Variants in AK5 observed in about 807,000 individuals in gnomAD.
AK5 encodes the protein adenylate kinase 5.
Under a neutral mutation model 69.5 loss-of-function variants are expected in AK5, and 27 were observed. The ratio of observed to expected loss-of-function variants is 0.39; its 90% CI spans 0.29 to 0.54. The LOEUF is 0.54. AK5 is among the 20% of genes least tolerant of loss of function. AK5 has a pLI of 0.71. For synonymous variants in AK5, 260 were observed against 244.4 expected (o/e 1.06, Z -0.60); for missense variants, 531 against 700.4 (o/e 0.76, Z 2.73).
At chr1:77,434,486 C>A in intron 8 of AK5, among the ~76,000 whole-genome samples, 1 of 152,210 alleles carries the variant, frequency 6.6e-6, no homozygotes, top group Non-Finnish European at 1.5e-5. Flanking sequence ...TAGAACTTGA[C>A]CCTAGGGAAA....
At chr1:77,518,932 C>T (rs1165748558) in intron 11 of AK5, among the ~76,000 whole-genome samples, 2 of 152,180 alleles carry the variant, frequency 1.3e-5, no homozygotes, top group Non-Finnish European at 2.9e-5. Flanking sequence ...GGCCCAGGCT[C>T]CTTCCATCTT....
At chr1:77,395,973 G>A (rs1648803930) in intron 6 of AK5, among the ~76,000 whole-genome samples, 2 of 152,088 alleles carry the variant, frequency 1.3e-5, no homozygotes, top group South Asian at 4.1e-4. Context: ...ATCAACATTA[G>A]GCTATACATG....
intron 8 of AK5, among the ~76,000 whole-genome samples, chr1:77,442,870 C>A (rs1435286815): frequency 6.6e-6 from 1 of 152,098 alleles, no homozygotes; most frequent in East Asian, 1.9e-4. Context: ...CTCCCAGAAG[C>A]ATTTTTTGTG....
At position 77,391,406 on chromosome 1, in the gene AK5, C is replaced by T. The variant is rs867633619; in HGVS notation, c.892-19575C>T. Among the ~76,000 whole-genome samples the T allele has an allele frequency of 3.9e-3, 535 of 136,286 alleles. 4 individuals are homozygous for T. The highest frequency in any genetic ancestry group is 0.014 in the African/African-American group (501 of 34,642). The allele number at this position is 136,286 out of a possible 152,430, so 89.4% of individuals were successfully genotyped here. On this transcript the variant is annotated intron_variant, in intron 6 of 13. Transcript: ENST00000354567. ...AAAAAAAAAAATATATATATATATA[C>T]ACACACATATATATGTATATATATA...
chr1:77,283,298 A>G (rs762869340), intron 1 of AK5: 4 of 984,986 alleles, frequency 4.1e-6, no homozygotes, highest in Non-Finnish European at 4.8e-6. Flanking sequence ...AGTAGGGGGG[A>G]GGAGGAGAAA....
At chr1:77,509,729 T>G (rs1657235256) in intron 10 of AK5, among the ~76,000 whole-genome samples, 1 of 152,226 alleles carries the variant, frequency 6.6e-6, no homozygotes, top group Non-Finnish European at 1.5e-5. Context: ...GGGAAGGCTA[T>G]GCACCTTTAA....
chr1:77,460,627 A>G (rs1480866480), intron 8 of AK5, among the ~76,000 whole-genome samples: 1 of 152,226 alleles, frequency 6.6e-6, no homozygotes, highest in Non-Finnish European at 1.5e-5. Flanking sequence ...AAATCCTGCT[A>G]TTTGCAACAA....
intron 2 of AK5, among the ~76,000 whole-genome samples, chr1:77,292,401 A>T (rs574567698): frequency 1.3e-5 from 2 of 152,182 alleles, no homozygotes; most frequent in Non-Finnish European, 2.9e-5. Flanking sequence ...TATTGTATCA[A>T]CAGAGAATGG....
intron 8 of AK5, among the ~76,000 whole-genome samples, chr1:77,448,223 C>T (rs1186470955): frequency 1.3e-5 from 2 of 152,196 alleles, no homozygotes; most frequent in African/African-American, 4.8e-5. Context: ...GCCAGGCTGC[C>T]AGTTCACAGA....
At chr1:77,302,245 T>G (rs1486886519) in intron 5 of AK5, among the ~76,000 whole-genome samples, 1 of 152,122 alleles carries the variant, frequency 6.6e-6, no homozygotes, top group Non-Finnish European at 1.5e-5. Flanking sequence ...TTGGCTAGAA[T>G]TATGTTTATT....
At position 77,375,193 on chromosome 1, in the gene AK5, A is replaced by G. The variant is rs562467853; in HGVS notation, c.891+34625A>G. Among the ~76,000 whole-genome samples, 5 of 152,358 alleles carry G rather than the reference A, an allele frequency of 3.3e-5. No homozygotes were observed. In the South Asian group the frequency reaches 1.0e-3, roughly 32 times the overall value. ...AAGAGTGTTTTAATTGAGTCAAGCC[A>G]GGTCAGACCTTACGCTCATGATACT... On this transcript the variant is annotated intron_variant, in intron 6 of 13. Transcript: ENST00000354567.
At chr1:77,398,758 A>C (rs1648997539) in intron 6 of AK5, among the ~76,000 whole-genome samples, 1 of 152,126 alleles carries the variant, frequency 6.6e-6, no homozygotes, top group South Asian at 2.1e-4. Context: ...CTAGTGGTTT[A>C]ATAAGTACAG....
intron 6 of AK5, among the ~76,000 whole-genome samples, chr1:77,369,566 T>C (rs1647080897): frequency 6.6e-6 from 1 of 151,916 alleles, no homozygotes; most frequent in South Asian, 2.1e-4. Flanking sequence ...TTAATCTTTT[T>C]GTCTCCTATA....
intron 13 of AK5, among the ~76,000 whole-genome samples, chr1:77,553,438 G>A (rs17381238): frequency 0.023 from 3,572 of 152,338 alleles, 97 homozygotes; most frequent in South Asian, 0.11. Context: ...CTACACATGT[G>A]CCTCAATTAG....
chr1:77,494,763 G>A (rs1467312371), intron 10 of AK5, among the ~76,000 whole-genome samples: 1 of 151,820 alleles, frequency 6.6e-6, no homozygotes, highest in Non-Finnish European at 1.5e-5. Context: ...TCCAGATACT[G>A]TGCTGTCTTC....
chr1:77,380,331 T>A (rs764528610), intron 6 of AK5, among the ~76,000 whole-genome samples: 3 of 152,094 alleles, frequency 2.0e-5, no homozygotes, highest in Non-Finnish European at 4.4e-5. Context: ...GCCAATCCTC[T>A]CAAAATACCC....
chr1:77,387,002 T>C (rs752867235), intron 6 of AK5, among the ~76,000 whole-genome samples: 2 of 152,222 alleles, frequency 1.3e-5, no homozygotes, highest in South Asian at 2.1e-4. Flanking sequence ...GTTCTACCCA[T>C]GTTGCTGCAA....
chr1:77,345,774 T>C (rs1221089272), intron 6 of AK5, among the ~76,000 whole-genome samples: 1 of 152,114 alleles, frequency 6.6e-6, no homozygotes, highest in Non-Finnish European at 1.5e-5. Flanking sequence ...AATTTGAGAA[T>C]CCCCGCATTA....
At chr1:77,430,010 G>C (rs1651498176) in intron 8 of AK5, among the ~76,000 whole-genome samples, 1 of 152,060 alleles carries the variant, frequency 6.6e-6, no homozygotes, top group Non-Finnish European at 1.5e-5. Flanking sequence ...ACCTTGAAGA[G>C]TTGGGGTTTC....
Sources: allele counts gnomAD v4.1 joint callset (sites outside exome capture counted in the v4.1 genomes callset), GRCh38; gene constraint gnomAD v4.1.1; transcripts MANE v1.5; gene names NCBI Gene and HGNC (gene_info 2026-07-23, HGNC 2026-07-21).